Variants in ASAP2 observed in about 807,000 individuals in gnomAD.
ASAP2 encodes the protein ArfGAP with SH3 domain, ankyrin repeat and PH domain 2.
In ASAP2, 45 loss-of-function variants were observed where a neutral mutation model predicts 131.4. The observed-to-expected ratio is 0.34, with a 90% CI of 0.27 to 0.44. The LOEUF is 0.44. ASAP2 is among the 20% of genes least tolerant of loss of function. ASAP2 has a pLI of 1.00. For missense variants in ASAP2, 1,011 were observed against 1,297.0 expected (o/e 0.78, Z 3.39); for synonymous variants, 510 against 503.0 (o/e 1.01, Z -0.19).
chr2:9,246,338 A>T (rs934799971), intron 1 of ASAP2, among the ~76,000 whole-genome samples: 1 of 152,204 alleles, frequency 6.6e-6, no homozygotes. Flanking sequence ...TCTGTTACCT[A>T]GACTGGAGTG....
At chr2:9,345,296 A>C (rs556476561) in intron 11 of ASAP2, among the ~76,000 whole-genome samples, 1 of 152,298 alleles carries the variant, frequency 6.6e-6, no homozygotes, top group African/African-American at 2.4e-5. Flanking sequence ...TATTATTGAA[A>C]TCTTAACATA....
chr2:9,269,964 C>T (rs117811912), intron 1 of ASAP2, among the ~76,000 whole-genome samples: 3,654 of 152,172 alleles, frequency 0.024, 99 homozygotes, highest in Admixed American at 0.086. Flanking sequence ...TGGAAGAGGC[C>T]CCTCGGTAAC....
intron 12 of ASAP2, among the ~76,000 whole-genome samples, chr2:9,353,940 A>T (rs1198939451): frequency 6.6e-6 from 1 of 152,146 alleles, no homozygotes; most frequent in African/African-American, 2.4e-5. Context: ...GTGCCACTGC[A>T]CTGTAGCCTG....
rs552689918 is a variant in ASAP2 at position 9,392,326 on chromosome 2, G to T, written c.2518+1130G>T. 1.3e-5 allele frequency among the ~76,000 whole-genome samples: 2 copies of T among 152,354 alleles called. No homozygotes were observed. The highest frequency in any genetic ancestry group is 3.9e-4 in the East Asian group (2 of 5,188). On this transcript the variant is annotated intron_variant, in intron 23 of 27. Transcript: ENST00000281419. This position sits in a 1 kb window ranked among gnomAD's most constrained non-coding sequence, Gnocchi z 4.0. ...TGCTGCCCTGTCTCCTGCTGCAGCAGCCCTGGAGTGGGGAGTCCAGCATCT... is the reference window on the plus strand; with the variant it reads ...TGCTGCCCTGTCTCCTGCTGCAGCATCCCTGGAGTGGGGAGTCCAGCATCT...
chr2:9,355,815 C>T (rs1332046467), intron 12 of ASAP2, among the ~76,000 whole-genome samples: 3 of 152,038 alleles, frequency 2.0e-5, no homozygotes, highest in Non-Finnish European at 2.9e-5. Flanking sequence ...TTAGAAGCGG[C>T]GTCTTTTAAA....
At chr2:9,343,910 G>A (rs1671774170) in intron 9 of ASAP2, among the ~76,000 whole-genome samples, 1 of 152,184 alleles carries the variant, frequency 6.6e-6, no homozygotes, top group South Asian at 2.1e-4. Flanking sequence ...CCATGTGGAT[G>A]GTTTACCTAT....
At chr2:9,354,590 A>G (rs1241566997) in intron 12 of ASAP2, among the ~76,000 whole-genome samples, 1 of 150,934 alleles carries the variant, frequency 6.6e-6, no homozygotes, top group Non-Finnish European at 1.5e-5. Context: ...CGAGCTGTGC[A>G]CTGCACGTTT....
At chr2:9,236,649 C>T (rs1663571646) in intron 1 of ASAP2, among the ~76,000 whole-genome samples, 1 of 152,102 alleles carries the variant, frequency 6.6e-6, no homozygotes, top group Admixed American at 6.5e-5. Context: ...AAATTAAAAG[C>T]AACTGTTATC....
At chr2:9,309,729 A>G (rs1669172338) in intron 3 of ASAP2, among the ~76,000 whole-genome samples, 1 of 152,248 alleles carries the variant, frequency 6.6e-6, no homozygotes, top group Non-Finnish European at 1.5e-5. Flanking sequence ...GTTGATGGGA[A>G]TAGTGTGTAT....
intron 21 of ASAP2, 52 bp downstream of exon 21, chr2:9,385,410 C>A: frequency 1.5e-6 from 2 of 1,360,838 alleles, no homozygotes; most frequent in Non-Finnish European, 2.1e-6. Flanking sequence ...TCATCCAGAA[C>A]AGTGTGGGTC....
chr2:9,391,287 C>G, intron 23 of ASAP2, 91 bp downstream of exon 23: 1 of 1,501,996 alleles, frequency 6.7e-7, no homozygotes, highest in Non-Finnish European at 8.9e-7. Flanking sequence ...GCTGCCAGCA[C>G]AGACACGTGC....
At chr2:9,252,932 G>T (rs199820452) in intron 1 of ASAP2, among the ~76,000 whole-genome samples, 1 of 123,662 alleles carries the variant, frequency 8.1e-6, no homozygotes, top group African/African-American at 3.2e-5. Context: ...AAAAAAAAAA[G>T]AATTTAGGAA....
chr2:9,250,486 CT>C (rs1664629806), intron 1 of ASAP2, among the ~76,000 whole-genome samples: 1 of 152,196 alleles, frequency 6.6e-6, no homozygotes, highest in Admixed American at 6.5e-5. Flanking sequence ...GACCCCAGAT[CT>C]TTAATCACTT....
At chr2:9,322,033 C>T (rs150489633) in intron 5 of ASAP2, among the ~76,000 whole-genome samples, 6 of 152,272 alleles carry the variant, frequency 3.9e-5, no homozygotes, top group Admixed American at 1.3e-4. Context: ...AGTGTCTGGA[C>T]GGTCTCTTGC....
intron 3 of ASAP2, among the ~76,000 whole-genome samples, chr2:9,309,270 A>G (rs1229692511): frequency 6.6e-6 from 1 of 152,228 alleles, no homozygotes; most frequent in East Asian, 1.9e-4. Flanking sequence ...TAGCCATATG[A>G]TGGAACAGTG....
intron 1 of ASAP2, among the ~76,000 whole-genome samples, chr2:9,231,520 A>T (rs1572208699): frequency 6.6e-6 from 1 of 151,814 alleles, no homozygotes; most frequent in Non-Finnish European, 1.5e-5. Flanking sequence ...CATAGCTGCC[A>T]CCTCCCGGAG....
Position 9,207,103 on chromosome 2 carries a change from C to T in ASAP2, c.-2C>T, listed in dbSNP as rs1268857535. ...GTGCGCCAGCGCCCTCGCGCCGAGG[C>T]GATGCCGGACCAGATCTCCGTGTCG... On this transcript the variant is annotated 5_prime_UTR_variant, in exon 1 of 28. Transcript: ENST00000281419. This position sits in a 1 kb window ranked among gnomAD's most constrained non-coding sequence, Gnocchi z 4.1. 6.3e-7 allele frequency: 1 copy of T among 1,580,350 alleles called. No homozygotes were observed.
chr2:9,393,642 G>T lies in ASAP2; in HGVS notation c.2679G>T (p.Ala893=), dbSNP rs774635664. ...PPSRLPQKKP[A]PGADKSTPLT... is the part of the protein sequence containing the mutation. The stretch of plus-strand genomic sequence containing the variant: ...GCCGCCTCCCGCAGAAGAAGCCTGC[G>T]CCGGGGTAAGCCACCCCCAGCCAGC... The change falls in exon 24 of 28, where the codon GCG becomes GCT. Residue 893 remains alanine (A), a synonymous_variant. Transcript: ENST00000281419. 3 of 1,567,622 alleles carry T rather than the reference G, an allele frequency of 1.9e-6. No homozygotes were observed. Among genetic ancestry groups the T allele is most frequent in the Non-Finnish European group, 2.6e-6 (3 of 1,161,010 alleles).
intron 2 of ASAP2, among the ~76,000 whole-genome samples, chr2:9,280,393 C>T (rs1667056912): frequency 6.6e-6 from 1 of 151,870 alleles, no homozygotes; most frequent in Admixed American, 6.6e-5. Flanking sequence ...CGGGCACAAG[C>T]TCCAGTTGCC....
Sources: gnomAD v4.1 joint callset for allele counts (sites outside exome capture counted in the v4.1 genomes callset) on GRCh38, gnomAD v4.1.1 for gene constraint, Gnocchi (gnomAD v3.1) non-coding constraint, MANE v1.5 for transcripts, NCBI Gene and HGNC (gene_info 2026-07-23, HGNC 2026-07-21) for gene names.